BAZ2B: variants seen among roughly 807,000 people sequenced by gnomAD.
BAZ2B encodes the protein bromodomain adjacent to zinc finger domain 2B, also known as bromodomain adjacent to zinc finger domain protein 2B.
BAZ2B carries 91 observed loss-of-function variants against 246.0 expected under a neutral mutation model. That is an observed-to-expected ratio of 0.37 (90% confidence interval 0.31 to 0.44). BAZ2B has a LOEUF of 0.44. Among genes scored for constraint, BAZ2B ranks in the 20% least tolerant of loss-of-function variants. The pLI is 1.00. For synonymous variants in BAZ2B, 855 were observed against 860.0 expected, an observed-to-expected ratio of 0.99 and a Z score of 0.10; for missense variants, 2,332 against 2,533.7, an observed-to-expected ratio of 0.92 and a Z score of 1.71.
chr2:159,556,512 G>C (rs1057369569), intron 1 of BAZ2B, among the ~76,000 whole-genome samples: 3 of 139,362 alleles, frequency 2.2e-5, no homozygotes, highest in African/African-American at 1.0e-4. Context: ...CCAGGCTGGA[G>C]TGCAGTGGCG....
intron 6 of BAZ2B, among the ~76,000 whole-genome samples, chr2:159,440,806 G>C (rs945649786): frequency 6.6e-6 from 1 of 152,046 alleles, no homozygotes; most frequent in African/African-American, 2.4e-5. Context: ...ACCACATCTG[G>C]CCTTGCAATG....
At chr2:159,631,645 A>T in the BAZ2B span, among the ~76,000 whole-genome samples, 1 of 152,222 alleles carries the variant, frequency 6.6e-6, no homozygotes, top group South Asian at 2.1e-4. Context: ...AAACAATTTG[A>T]ATGTTAACAA....
chr2:159,638,236 A>G, the BAZ2B span, among the ~76,000 whole-genome samples: 1 of 152,256 alleles, frequency 6.6e-6, no homozygotes, highest in African/African-American at 2.4e-5. Flanking sequence ...TTGGGGCCCA[A>G]GTCCCTTTGA....
intron 1 of BAZ2B, among the ~76,000 whole-genome samples, chr2:159,605,629 T>C (rs376352013): frequency 1.3e-5 from 2 of 151,930 alleles, no homozygotes; most frequent in East Asian, 1.9e-4. Context: ...CAGTGGTGCA[T>C]GCCTGTAGTC....
rs976985029 is a variant in BAZ2B at position 159,546,315 on chromosome 2, T to G, written c.-3+9508A>C. On this transcript the variant is annotated intron_variant, in intron 2 of 36. Transcript: ENST00000392783. ...TATCTGATGGTTTTAAAAACGGGAG[T>G]TTCCTTGCACAAGCTTTCTCTCTCT... Among the ~76,000 whole-genome samples the G allele has an allele frequency of 4.0e-5, 6 of 151,222 alleles. No homozygotes were observed. The Admixed American group carries it at 4.0e-4, about 10-fold the overall frequency.
chr2:159,469,615 A>C (rs954243923), intron 3 of BAZ2B, among the ~76,000 whole-genome samples: 1 of 151,788 alleles, frequency 6.6e-6, no homozygotes, highest in Admixed American at 6.6e-5. Context: ...TTTTATATAT[A>C]TTTTTAGTAG....
At chr2:159,427,560 T>C (rs2070192722) in intron 13 of BAZ2B, among the ~76,000 whole-genome samples, 2 of 152,190 alleles carry the variant, frequency 1.3e-5, no homozygotes. Flanking sequence ...TATCCTCTTT[T>C]GGACTGACTT....
At chr2:159,562,816 C>T (rs907340457) in intron 1 of BAZ2B, among the ~76,000 whole-genome samples, 2 of 152,042 alleles carry the variant, frequency 1.3e-5, no homozygotes, top group South Asian at 4.1e-4. Context: ...AATTAGAGTC[C>T]ATTTTGGTCC....
At chr2:159,337,208 A>C in intron 32 of BAZ2B, 131 bp from the exon 33 acceptor site, 1 of 1,244,738 alleles carries the variant, frequency 8.0e-7, no homozygotes, top group Non-Finnish European at 1.1e-6. Flanking sequence ...AGGTTTAAGC[A>C]ACTAAATTTG....
intron 2 of BAZ2B, chr2:159,555,386 C>CGGCTCCAGCAGGTAGAAATTTAGA (rs2088973823): frequency 6.6e-6 from 1 of 152,018 alleles, no homozygotes; most frequent in South Asian, 2.1e-4. Flanking sequence ...CCACCGCGCC[C>CGGCTCCAGCAGGTAGAAATTTAGA]AGCCTACCAA....
intron 27 of BAZ2B, among the ~76,000 whole-genome samples, chr2:159,357,168 C>T (rs143379761): frequency 0.036 from 5,412 of 151,996 alleles, 195 homozygotes; most frequent in African/African-American, 0.095. Flanking sequence ...TGGGTAATAA[C>T]AAACTCCTCT....
chr2:159,553,887 T>C (rs2088704788), intron 2 of BAZ2B, among the ~76,000 whole-genome samples: 1 of 152,188 alleles, frequency 6.6e-6, no homozygotes, highest in African/African-American at 2.4e-5. Context: ...TCCTGATCTC[T>C]CTACTTCCTT....
intron 3 of BAZ2B, chr2:159,463,879 A>T (rs2076718638): frequency 6.6e-6 from 1 of 151,812 alleles, no homozygotes; most frequent in South Asian, 2.1e-4. Flanking sequence ...TAATTTTTGT[A>T]TTTTTTAGTA....
chr2:159,503,801 A>C (rs2082067793), intron 2 of BAZ2B, among the ~76,000 whole-genome samples: 1 of 151,980 alleles, frequency 6.6e-6, no homozygotes, highest in African/African-American at 2.4e-5. Flanking sequence ...GGCTGGTCTC[A>C]AACTCCTGAC....
chr2:159,670,717 T>C, the BAZ2B span: 1 of 152,256 alleles, frequency 6.6e-6, no homozygotes, highest in African/African-American at 2.4e-5. Flanking sequence ...CCATTTCTGA[T>C]GTTCTTCATT....
At chr2:159,354,321 A>G (rs1452585812) in intron 27 of BAZ2B, among the ~76,000 whole-genome samples, 3 of 150,930 alleles carry the variant, frequency 2.0e-5, no homozygotes, top group Admixed American at 2.0e-4. Context: ...CAAATTGCTT[A>G]ATCCTAACAG....
chr2:159,346,129 G>T lies in BAZ2B; in HGVS notation c.5454+1357C>A, dbSNP rs113329203. On this transcript the variant is annotated intron_variant, in intron 31 of 36. Coordinates refer to ENST00000392783, the MANE Select transcript of BAZ2B (RefSeq NM_013450.4). ...TTTATACTGTATTATAGAACCTGGAGGAGGAGACATAGTTTACTAGCACAA... is the reference window on the plus strand; with the variant it reads ...TTTATACTGTATTATAGAACCTGGATGAGGAGACATAGTTTACTAGCACAA... 4.7e-4 allele frequency among the ~76,000 whole-genome samples: 71 copies of T among 152,298 alleles called. 2 individuals carry two copies. The highest frequency in any genetic ancestry group is 1.5e-3 in the African/African-American group (63 of 41,576).
chr2:159,617,526 A>ACTT (rs1696227022), upstream of BAZ2B, among the ~76,000 whole-genome samples: 1 of 152,114 alleles, frequency 6.6e-6, no homozygotes, highest in Non-Finnish European at 1.5e-5. Context: ...AGAACACAAG[A>ACTT]AAGTCTCAAA....
At chr2:159,650,587 CT>C in the BAZ2B span, among the ~76,000 whole-genome samples, 2 of 152,100 alleles carry the variant, frequency 1.3e-5, no homozygotes, top group Admixed American at 1.3e-4. Flanking sequence ...TTTTCCTAGC[CT>C]TGGGTAGCTC....
Sources: gnomAD v4.1 joint callset for allele counts (sites outside exome capture counted in the v4.1 genomes callset) on GRCh38, gnomAD v4.1.1 for gene constraint, MANE v1.5 for transcripts, NCBI Gene and HGNC (gene_info 2026-07-23, HGNC 2026-07-21) for gene names.